SGCZ: variants seen among roughly 807,000 people sequenced by gnomAD.
SGCZ encodes zeta-sarcoglycan.
Under a neutral mutation model 41.3 loss-of-function variants are expected in SGCZ, and 40 were observed. The ratio of observed to expected loss-of-function variants is 0.97; its 90% CI spans 0.75 to 1.26. The LOEUF is 1.26. Among genes scored for constraint, SGCZ ranks in the 50% most tolerant of loss-of-function variants. The pLI, the probability that SGCZ is intolerant of heterozygous loss-of-function variation, is 0.00. For missense variants in SGCZ, 552 were observed against 369.8 expected, an observed-to-expected ratio of 1.49 and a Z score of -4.04; for synonymous variants, 206 against 137.5, an observed-to-expected ratio of 1.50 and a Z score of -3.49.
chr8:14,574,644 AATACT>A (rs1804655134), intron 1 of SGCZ, among the ~76,000 whole-genome samples: 1 of 152,138 alleles, frequency 6.6e-6, no homozygotes, highest in South Asian at 2.1e-4. Flanking sequence ...ATAAAATCAG[AATACT>A]TACACTGTAT....
intron 1 of SGCZ, among the ~76,000 whole-genome samples, chr8:14,919,381 C>T (rs1168574093): frequency 6.6e-6 from 1 of 152,094 alleles, no homozygotes; most frequent in Admixed American, 6.5e-5. Flanking sequence ...GCGGAGGTTA[C>T]AGTGAGCCGA....
At chr8:14,219,205 G>A (rs1015186015) in intron 4 of SGCZ, among the ~76,000 whole-genome samples, 2 of 152,136 alleles carry the variant, frequency 1.3e-5, no homozygotes, top group African/African-American at 4.8e-5. Flanking sequence ...CCAAGAAGAA[G>A]CTCCAAAGCA....
At chr8:14,598,304 G>A (rs7813380) in intron 1 of SGCZ, among the ~76,000 whole-genome samples, 2 of 151,188 alleles carry the variant, frequency 1.3e-5, no homozygotes, top group African/African-American at 4.9e-5. Context: ...ATGTTTTCTT[G>A]CGAGTTTGCA....
At chr8:14,773,666 T>C (rs1169035758) in intron 1 of SGCZ, among the ~76,000 whole-genome samples, 1 of 152,204 alleles carries the variant, frequency 6.6e-6, no homozygotes. Context: ...CTGCAATGCA[T>C]TCTTTTGCCT....
chr8:14,308,429 T>C (rs918542334), intron 3 of SGCZ, among the ~76,000 whole-genome samples: 3 of 151,980 alleles, frequency 2.0e-5, no homozygotes, highest in Non-Finnish European at 2.9e-5. Flanking sequence ...GTCTACTGAG[T>C]GTACGACAAG....
intron 2 of SGCZ, among the ~76,000 whole-genome samples, chr8:14,434,888 G>A (rs764749843): frequency 4.6e-5 from 7 of 152,048 alleles, no homozygotes; most frequent in Non-Finnish European, 1.0e-4. Context: ...AGCTGTGATC[G>A]TGCCACTGCA....
At chr8:14,096,609 C>G (rs1419652724) in intron 7 of SGCZ, among the ~76,000 whole-genome samples, 1 of 152,094 alleles carries the variant, frequency 6.6e-6, no homozygotes, top group Non-Finnish European at 1.5e-5. Flanking sequence ...CAGGATGATG[C>G]TGGACTCATA....
chr8:15,021,561 C>T (rs1803248973), intron 1 of SGCZ, among the ~76,000 whole-genome samples: 2 of 152,214 alleles, frequency 1.3e-5, no homozygotes, highest in Admixed American at 1.3e-4. Context: ...TGAGATCTCT[C>T]AACCAATCTA....
intron 1 of SGCZ, among the ~76,000 whole-genome samples, chr8:14,868,064 A>C (rs2130696195): frequency 6.6e-6 from 1 of 152,284 alleles, no homozygotes; most frequent in East Asian, 1.9e-4. Flanking sequence ...AGCTAATTTG[A>C]GCTTCAAGAC....
At chr8:15,002,398 A>G (rs1283208891) in intron 1 of SGCZ, among the ~76,000 whole-genome samples, 2 of 152,176 alleles carry the variant, frequency 1.3e-5, no homozygotes, top group Non-Finnish European at 1.5e-5. Flanking sequence ...TTAATCATAT[A>G]GTACGTTTTA....
At chr8:14,883,932 G>C (rs1313864098) in intron 1 of SGCZ, among the ~76,000 whole-genome samples, 1 of 151,892 alleles carries the variant, frequency 6.6e-6, no homozygotes, top group African/African-American at 2.4e-5. Flanking sequence ...GAAGGCAGCT[G>C]GATAGGTATG....
chr8:14,661,634 G>T (rs984128549), intron 1 of SGCZ, among the ~76,000 whole-genome samples: 1 of 152,078 alleles, frequency 6.6e-6, no homozygotes, highest in Non-Finnish European at 1.5e-5. Context: ...GGGATTTCTG[G>T]CTAAGGACAG....
At chr8:15,012,969 C>T (rs955848777) in intron 1 of SGCZ, among the ~76,000 whole-genome samples, 1 of 151,546 alleles carries the variant, frequency 6.6e-6, no homozygotes, top group African/African-American at 2.4e-5. Context: ...AGTTATCTTG[C>T]TCTTAGGTTT....
chr8:14,942,881 C>T (rs1800323057), intron 1 of SGCZ, among the ~76,000 whole-genome samples: 1 of 152,106 alleles, frequency 6.6e-6, no homozygotes, highest in African/African-American at 2.4e-5. Context: ...CTCAGAGGCA[C>T]TTCATTGCAT....
intron 5 of SGCZ, among the ~76,000 whole-genome samples, chr8:14,132,525 A>C (rs187741403): frequency 8.5e-5 from 13 of 152,276 alleles, no homozygotes; most frequent in Admixed American, 7.2e-4. Context: ...TGTTTGTTTT[A>C]TACTTTCTAT....
At chr8:14,355,621 A>G (rs1469079643) in intron 2 of SGCZ, among the ~76,000 whole-genome samples, 1 of 152,002 alleles carries the variant, frequency 6.6e-6, no homozygotes, top group Non-Finnish European at 1.5e-5. Context: ...AGATAAATCA[A>G]AGATCTTTGG....
chr8:14,306,373 G>A (rs1801353396), intron 3 of SGCZ, among the ~76,000 whole-genome samples: 1 of 152,182 alleles, frequency 6.6e-6, no homozygotes, highest in African/African-American at 2.4e-5. Flanking sequence ...GAGATTAGGT[G>A]CTTGATTAAC....
rs1340345570 is a variant in SGCZ at position 15,172,029 on chromosome 8, G to C, written c.39+65556C>G. ...AAAGAGAACTAATAACTTGAAAACA[G>C]AGATTTCTATGTGAAAAATGCCAAT... On this transcript the variant is annotated intron_variant, in intron 1 of 7. Coordinates refer to ENST00000382080, the MANE Select transcript of SGCZ (RefSeq NM_139167.4). 3.3e-5 allele frequency among the ~76,000 whole-genome samples: 5 copies of C among 151,774 alleles called. No individual in the cohort carries two copies. In the South Asian group the frequency reaches 8.3e-4, roughly 25 times the overall value.
intron 2 of SGCZ, among the ~76,000 whole-genome samples, chr8:14,451,817 A>G (rs981908578): frequency 8.5e-5 from 13 of 152,234 alleles, no homozygotes; most frequent in Non-Finnish European, 1.9e-4. Context: ...CAAAGTCCAG[A>G]ACACTGACAA....
Sources: gnomAD v4.1 joint callset for allele counts (sites outside exome capture counted in the v4.1 genomes callset) on GRCh38, gnomAD v4.1.1 for gene constraint, MANE v1.5 for transcripts, NCBI Gene and HGNC (gene_info 2026-07-23, HGNC 2026-07-21) for gene names.